Variants in STPG4 observed in about 807,000 individuals in gnomAD.
The protein encoded by STPG4 is sperm-tail PG-rich repeat containing 4, also known as protein STPG4.
In STPG4, 41 loss-of-function variants were observed where a neutral mutation model predicts 31.5. The observed-to-expected ratio is 1.30, with a 90% CI of 1.01 to 1.69. The LOEUF (loss-of-function observed/expected upper bound fraction) is 1.69, where lower values mean the gene tolerates loss of function less well. Among genes scored for constraint, STPG4 ranks in the 40% most tolerant of loss-of-function variants. The probability of loss-of-function intolerance (pLI) is 0.00; values close to 1 mark genes in which losing one functional copy is unlikely to be tolerated. For missense variants in STPG4, 375 were observed against 293.4 expected, an observed-to-expected ratio of 1.28 and a Z score of -2.03; for synonymous variants, 141 against 103.0, an observed-to-expected ratio of 1.37 and a Z score of -2.24.
rs569058894 is a variant in STPG4 at position 47,151,883 on chromosome 2, G to A, written c.142-368C>T. The stretch of plus-strand genomic sequence containing the variant: ...AGCCTCCCAAGTAGCTGGGACTACA[G>A]GCATCAGCCACTACGCCCGGCTAGT... On this transcript the variant is annotated intron_variant, in intron 2 of 6. Coordinates refer to ENST00000445927, the MANE Select transcript of STPG4 (RefSeq NM_001163561.2). Among the ~76,000 whole-genome samples the A allele has an allele frequency of 3.3e-5, 5 of 151,512 alleles. No homozygotes were observed. The South Asian group carries it at 8.4e-4, about 25-fold the overall frequency.
chr2:47,120,464 G>A (rs1686245254), intron 5 of STPG4, among the ~76,000 whole-genome samples: 1 of 152,194 alleles, frequency 6.6e-6, no homozygotes, highest in Non-Finnish European at 1.5e-5. Context: ...CTATTCAGGA[G>A]GCTGAAGCAG....
chr2:47,087,114 C>G lies in STPG4; in HGVS notation c.641G>C (p.Gly214Ala), dbSNP rs754183713. The G allele has an allele frequency of 3.2e-6, 5 of 1,551,762 alleles. No individual in the cohort carries two copies. The highest frequency in any genetic ancestry group is 3.3e-4 in the Middle Eastern group (2 of 5,990). ...LPSCSKTPGP[G>A]AYTTLRQFPK... ...GAATTGTCTTAAAGTTGTATATGCT[C>G]CTGGGCCTGGGGTTTTCTGAAAACA... Residue 214 changes from glycine to alanine, a missense_variant, in exon 7 of 7, where the codon GGA becomes GCA. By Grantham distance (60) the Gly-to-Ala change is moderately conservative (BLOSUM62 0). Coordinates refer to ENST00000445927, the MANE Select transcript of STPG4 (RefSeq NM_001163561.2).
At chr2:47,127,154 G>A (rs1029896634) in intron 5 of STPG4, among the ~76,000 whole-genome samples, 18 of 147,350 alleles carry the variant, frequency 1.2e-4, no homozygotes, top group African/African-American at 2.8e-4. Flanking sequence ...TAGATTTGCC[G>A]TTTTGAGGCT....
chr2:47,105,563 C>T (rs1685892707), intron 5 of STPG4, among the ~76,000 whole-genome samples: 1 of 152,026 alleles, frequency 6.6e-6, no homozygotes, highest in Non-Finnish European at 1.5e-5. Flanking sequence ...ATAGTCCAGA[C>T]TTACGCTGCC....
intron 3 of STPG4, among the ~76,000 whole-genome samples, chr2:47,130,809 C>A (rs1250972817): frequency 6.6e-6 from 1 of 152,012 alleles, no homozygotes; most frequent in Admixed American, 6.6e-5. Flanking sequence ...ACTACCGTGC[C>A]CAGCCACATT....
rs144490730 is a variant in STPG4 at position 47,109,443 on chromosome 2, G to C, written c.520-19069C>G. Among the ~76,000 whole-genome samples, 244 of 151,938 alleles carry C rather than the reference G, an allele frequency of 1.6e-3. 5 individuals are homozygous for C. The East Asian group carries it at 0.044, about 28-fold the overall frequency. Reference sequence around the variant, plus strand: ...ATGGTGGCAGACGCCTGTAATCCCAGCTACTGGGGAAGCTGAGGCTGGAGA... The same window carrying C: ...ATGGTGGCAGACGCCTGTAATCCCACCTACTGGGGAAGCTGAGGCTGGAGA... On this transcript the variant is annotated intron_variant, in intron 5 of 6. Transcript: ENST00000445927.
chr2:47,087,031 T>G lies in STPG4; in HGVS notation c.724A>C (p.Asn242His), dbSNP rs1685469141. 5.2e-6 allele frequency: 8 copies of G among 1,551,728 alleles called. No homozygotes were observed. Among genetic ancestry groups the G allele is most frequent in the African/African-American group, 4.1e-5 (3 of 73,176 alleles). Residue 242 changes from asparagine (N) to histidine (H), a missense_variant, in exon 7 of 7, where the codon AAC becomes CAC. By Grantham distance (68) the Asn-to-His change is moderately conservative. Transcript: ENST00000445927. ...MGQEHSLFFN[N>H]NNWLLK The stretch of plus-strand genomic sequence containing the variant: ...CTTTATTTTAAAAGCCAATTGTTGT[T>G]GTTGAAGAAAAGGCTATGCTCTTGG...
chr2:47,109,123 T>C (rs1176362304), intron 5 of STPG4, among the ~76,000 whole-genome samples: 2 of 152,184 alleles, frequency 1.3e-5, no homozygotes, highest in African/African-American at 4.8e-5. Context: ...AGTCAAGAAA[T>C]TGTTATAAGA....
At chr2:47,108,895 G>A (rs1685979190) in intron 5 of STPG4, 1 of 152,282 alleles carries the variant, frequency 6.6e-6, no homozygotes, top group African/African-American at 2.4e-5. Context: ...AATGGGCAGG[G>A]TGCGGCCCTG....
intron 5 of STPG4, among the ~76,000 whole-genome samples, chr2:47,106,055 A>AAG (rs1461588649): frequency 6.6e-6 from 1 of 151,834 alleles, no homozygotes; most frequent in Non-Finnish European, 1.5e-5. Flanking sequence ...AAGAGAGAAA[A>AAG]AGAAAGAGAA....
At chr2:47,126,943 C>G (rs1363037915) in intron 5 of STPG4, among the ~76,000 whole-genome samples, 1 of 151,862 alleles carries the variant, frequency 6.6e-6, no homozygotes, top group East Asian at 1.9e-4. Context: ...AGGATCCTTT[C>G]TTTGTGCTTG....
chr2:47,122,054 A>C (rs12470065), intron 5 of STPG4, among the ~76,000 whole-genome samples: 68,102 of 152,024 alleles, frequency 0.45, 17,496 homozygotes, highest in East Asian at 0.76. Flanking sequence ...TACCACCCAC[A>C]TACAGAGAGC....
intron 5 of STPG4, among the ~76,000 whole-genome samples, chr2:47,109,899 T>G (rs1477614647): frequency 6.6e-6 from 1 of 152,174 alleles, no homozygotes; most frequent in Non-Finnish European, 1.5e-5. Flanking sequence ...GTCTGATACT[T>G]TCGAACTTTT....
At chr2:47,142,934 C>T (rs1686746110) in intron 3 of STPG4, among the ~76,000 whole-genome samples, 2 of 150,370 alleles carry the variant, frequency 1.3e-5, no homozygotes. Flanking sequence ...ACCTCCACCT[C>T]CTGGGTTCAT....
At chr2:47,141,254 A>C (rs894710070) in intron 3 of STPG4, among the ~76,000 whole-genome samples, 1 of 151,872 alleles carries the variant, frequency 6.6e-6, no homozygotes, top group African/African-American at 2.4e-5. Flanking sequence ...CTCTTGTGTC[A>C]TATGGAAACA....
chr2:47,125,114 A>ATT (rs1686340862), intron 5 of STPG4, among the ~76,000 whole-genome samples: 2 of 152,138 alleles, frequency 1.3e-5, no homozygotes, highest in African/African-American at 4.8e-5. Flanking sequence ...TTTTTAAACA[A>ATT]ATTATTAGAT....
At chr2:47,119,869 T>G (rs1686231626) in intron 5 of STPG4, among the ~76,000 whole-genome samples, 1 of 152,130 alleles carries the variant, frequency 6.6e-6, no homozygotes, top group South Asian at 2.1e-4. Context: ...GGGCTAAATG[T>G]GGGGAAAGCA....
chr2:47,129,195 C>G (rs963594796), intron 5 of STPG4: 3 of 152,338 alleles, frequency 2.0e-5, no homozygotes, highest in African/African-American at 7.2e-5. Context: ...CTCCTCCTCT[C>G]AAGCAAAAGG....
chr2:47,147,216 T>C (rs1225077206), intron 3 of STPG4, among the ~76,000 whole-genome samples: 1 of 152,052 alleles, frequency 6.6e-6, no homozygotes, highest in Non-Finnish European at 1.5e-5. Context: ...TCAGTGCCCA[T>C]CAGAGGTGAA....
Sources: gnomAD v4.1 joint callset for allele counts (sites outside exome capture counted in the v4.1 genomes callset) on GRCh38, gnomAD v4.1.1 for gene constraint, MANE v1.5 for transcripts, NCBI Gene and HGNC (gene_info 2026-07-23, HGNC 2026-07-21) for gene names.